Variants in KCNC4 observed in about 807,000 individuals in gnomAD.
KCNC4 encodes the protein potassium voltage-gated channel subfamily C member 4, also known as voltage-gated potassium channel KCNC4.
Under a neutral mutation model 42.8 loss-of-function variants are expected in KCNC4, and 23 were observed. The observed-to-expected ratio is 0.54, with a 90% CI of 0.39 to 0.76. The LOEUF (loss-of-function observed/expected upper bound fraction) is 0.76, where lower values mean the gene tolerates loss of function less well. Among genes scored for constraint, KCNC4 ranks in the 30% least tolerant of loss-of-function variants. KCNC4 has a pLI of 0.00. For synonymous variants in KCNC4, 422 were observed against 393.5 expected, an observed-to-expected ratio of 1.07 and a Z score of -0.86; for missense variants, 751 against 898.2, an observed-to-expected ratio of 0.84 and a Z score of 2.10.
At chr1:110,235,765 G>A (rs925820246), downstream of KCNC4, 1 of 152,244 alleles carries the variant, frequency 6.6e-6, no homozygotes, top group African/African-American at 2.4e-5. Flanking sequence ...GCCCAAGGTA[G>A]GGAGCTGGTT....
chr1:110,258,910 C>T (rs948914435), intron 1 of KCNC4, among the ~76,000 whole-genome samples: 7 of 152,182 alleles, frequency 4.6e-5, no homozygotes. Flanking sequence ...TCTGGGAGTA[C>T]CTCCCACACA....
chr1:110,223,352 G>C lies in KCNC4; in HGVS notation c.1067G>C (p.Arg356Pro). The change falls in exon 2 of 4, where the codon CGT (arginine) becomes CCT (proline). Residue 356 changes from arginine to proline, a missense_variant. Arg to Pro is a moderately radical substitution (Grantham distance 103). This residue lies in a region of KCNC4 where 185 missense variants were observed against 293.7 expected (regional missense o/e 0.63). Transcript: ENST00000438661. This position sits in a 1 kb window ranked among gnomAD's most constrained non-coding sequence, Gnocchi z 7.5. ...LRVVRFVRIL[R>P]IFKLTRHFVG... is the part of the protein sequence containing the mutation. ...GTGGTGCGCTTCGTGCGCATCCTGC[G>C]TATCTTCAAGCTCACACGCCACTTC... 6.2e-7 allele frequency: 1 copy of C among 1,613,832 alleles called. No homozygotes were observed. Among genetic ancestry groups the C allele is most frequent in the Non-Finnish European group, 8.5e-7 (1 of 1,179,898 alleles).
chr1:110,230,738 T>C (rs75120354), intron 3 of KCNC4, among the ~76,000 whole-genome samples: 315 of 152,276 alleles, frequency 2.1e-3, no homozygotes, highest in African/African-American at 7.2e-3. Context: ...CTGGGAGAGA[T>C]AGAACCCAGA....
chr1:110,230,565 G>T (rs1282392928), intron 3 of KCNC4, among the ~76,000 whole-genome samples: 1 of 152,194 alleles, frequency 6.6e-6, no homozygotes, highest in East Asian at 1.9e-4. Flanking sequence ...GGCACCCACC[G>T]CCTCCTTCCC....
rs1162257771 is a variant in KCNC4, at chr1:110,211,929, T to C, written c.430T>C (p.Cys144Arg). The C allele has an allele frequency of 6.2e-7, 1 of 1,611,564 alleles. No homozygotes were observed. Among genetic ancestry groups the C allele is most frequent in the Non-Finnish European group, 8.5e-7 (1 of 1,179,788 alleles). ...CGACGAGACCGACGTGGAACCCTGCTGCTGGATGACCTACCGGCAGCACCG... is the reference window on the plus strand; with the variant it reads ...CGACGAGACCGACGTGGAACCCTGCCGCTGGATGACCTACCGGCAGCACCG... Reference protein sequence around the residue: ...GIDETDVEPCCWMTYRQHRDA... With the variant: ...GIDETDVEPCRWMTYRQHRDA... The change falls in exon 1 of 4, where the codon TGC becomes CGC. Residue 144 changes from cysteine to arginine, a missense_variant. By Grantham distance (180) the Cys-to-Arg change is radical. Transcript: ENST00000438661. This position sits in a 1 kb window ranked among gnomAD's most constrained non-coding sequence, Gnocchi z 6.5.
At chr1:110,283,348 A>C (rs115089270), downstream of KCNC4, among the ~76,000 whole-genome samples, 1,442 of 152,280 alleles carry the variant, frequency 9.5e-3, 27 homozygotes, top group African/African-American at 0.033. Context: ...CCCACGGTAA[A>C]TGTAAAATGG....
In KCNC4 at chr1:110,211,334, C is replaced by T. The variant is rs544030029; in HGVS notation, c.-166C>T. Reference sequence around the variant, plus strand: ...CGGAGAAATCCAACTCCTCCCGCTCCGCGTCCTAGGGGGATAGGCAGGGGC... The same window carrying T: ...CGGAGAAATCCAACTCCTCCCGCTCTGCGTCCTAGGGGGATAGGCAGGGGC... On this transcript the variant is annotated 5_prime_UTR_variant, in exon 1 of 4. Transcript: ENST00000438661. This position sits in a 1 kb window ranked among gnomAD's most constrained non-coding sequence, Gnocchi z 6.5. 32 of 1,018,950 alleles carry T rather than the reference C, an allele frequency of 3.1e-5. No homozygotes were observed. In the African/African-American group the frequency reaches 5.1e-4, roughly 16 times the overall value. The allele number at this position is 1,018,950 out of a possible 1,614,324, so 63.1% of individuals were successfully genotyped here.
intron 1 of KCNC4, among the ~76,000 whole-genome samples, chr1:110,212,620 A>G (rs1657549690): frequency 6.6e-6 from 1 of 152,076 alleles, no homozygotes; most frequent in South Asian, 2.1e-4. Flanking sequence ...GTTTTGTTAG[A>G]TGCTTCCATG....
rs542077305 is a variant in KCNC4 at position 110,268,398 on chromosome 1, G to A, written n.31-14136G>A. 5.9e-5 allele frequency among the ~76,000 whole-genome samples: 9 copies of A among 152,224 alleles called. No homozygotes were observed. In the South Asian group the frequency reaches 1.9e-3, roughly 32 times the overall value. The stretch of plus-strand genomic sequence containing the variant: ...CGAGGCGGGCAGATCACGAGGTCAG[G>A]AGATCGAGACCATCCTGGCTAACAC... On this transcript the variant is annotated intron_variant and non_coding_transcript_variant, in intron 1 of 2. Coordinates refer to the KCNC4 transcript ENST00000412512.
chr1:110,231,257 T>C (rs1658674503), intron 3 of KCNC4, among the ~76,000 whole-genome samples: 1 of 152,150 alleles, frequency 6.6e-6, no homozygotes, highest in African/African-American at 2.4e-5. Context: ...GGCTGCCCTT[T>C]CACAGAGCTT....
chr1:110,283,928 T>A (rs1045270563), downstream of KCNC4, among the ~76,000 whole-genome samples: 18 of 152,218 alleles, frequency 1.2e-4, no homozygotes, highest in African/African-American at 4.3e-4. Context: ...TGCTGAGGCA[T>A]CACTAAATGG....
At chr1:110,272,008 C>T (rs1340023604) in intron 1 of KCNC4, among the ~76,000 whole-genome samples, 2 of 152,170 alleles carry the variant, frequency 1.3e-5, no homozygotes, top group Non-Finnish European at 1.5e-5. Flanking sequence ...ACAATTTTCC[C>T]TAAAGTTGTG....
In KCNC4 at chr1:110,211,544, G is replaced by T; in HGVS notation, c.45G>T (p.Ser15=). 9.3e-6 allele frequency: 15 copies of T among 1,614,068 alleles called. No individual in the cohort carries two copies. The highest frequency in any genetic ancestry group is 1.3e-5 in the Non-Finnish European group (15 of 1,179,988). The change falls in exon 1 of 4, where the codon TCG becomes TCT. Residue 15 remains serine (S), a synonymous_variant. Transcript: ENST00000438661. The surrounding 1 kb of genome is among the most constrained non-coding windows in gnomAD (Gnocchi z 6.5). ...VCVSSYRGRK[S]GNKPPSKTCL... is the part of the protein sequence containing the mutation. ...TCTCCTCCTACCGCGGGCGCAAGTC[G>T]GGGAACAAGCCTCCGTCCAAAACAT...
chr1:110,281,551 TAA>T (rs199654540), intron 1 of KCNC4, among the ~76,000 whole-genome samples: 246 of 126,110 alleles, frequency 2.0e-3, no homozygotes, highest in Middle Eastern at 8.0e-3. Context: ...CCCACATATG[TAA>T]AAACACACAC....
chr1:110,255,572 A>G (rs750375340), intron 1 of KCNC4, among the ~76,000 whole-genome samples: 3 of 152,224 alleles, frequency 2.0e-5, no homozygotes, highest in South Asian at 2.1e-4. Context: ...ACAGACACCC[A>G]GGCAAATCAG....
intron 1 of KCNC4, among the ~76,000 whole-genome samples, chr1:110,263,529 G>A (rs11102073): frequency 0.21 from 31,508 of 151,906 alleles, 3,571 homozygotes; most frequent in African/African-American, 0.31. Context: ...ATAGGAGCAC[G>A]TTTGGGCAAC....
intron 3 of KCNC4, among the ~76,000 whole-genome samples, chr1:110,231,336 G>A (rs2004044): frequency 0.011 from 1,652 of 152,190 alleles, 38 homozygotes; most frequent in African/African-American, 0.038. Flanking sequence ...CACCCCTGGT[G>A]GGTCAAATAG....
chr1:110,283,260 T>C (rs535539322), downstream of KCNC4, among the ~76,000 whole-genome samples: 167 of 152,226 alleles, frequency 1.1e-3, no homozygotes, highest in Non-Finnish European at 1.4e-3. Context: ...CGGGCCCCAC[T>C]TCCCAACACC....
Position 110,223,771 on chromosome 1 carries a change from G to A in KCNC4, c.1486G>A (p.Val496Met), listed in dbSNP as rs754766832. ...GCTGCCCAAGAAACGGAAGAAGCAC[G>A]TGCCACGGCCGGCGCAGCTGGAGTC... ...QKLPKKRKKH[V>M]PRPAQLESPM... The change falls in exon 2 of 4, where the codon GTG (valine) becomes ATG (methionine). Residue 496 changes from valine (V) to methionine (M), a missense_variant. Val to Met is a conservative substitution (Grantham distance 21). This residue lies in a region of KCNC4 where 202 missense variants were observed against 181.5 expected (regional missense o/e 1.11). Coordinates refer to ENST00000438661, the MANE Select transcript of KCNC4 (RefSeq NM_001039574.3). The surrounding 1 kb of genome is among the most constrained non-coding windows in gnomAD (Gnocchi z 7.5). The A allele has an allele frequency of 7.4e-6, 12 of 1,614,162 alleles. No individual in the cohort carries two copies. The highest frequency in any genetic ancestry group is 1.7e-5 in the Admixed American group (1 of 60,024).
Sources: allele counts gnomAD v4.1 joint callset (sites outside exome capture counted in the v4.1 genomes callset), GRCh38; gene constraint gnomAD v4.1.1; regional missense constraint gnomAD v4.1.1; non-coding constraint Gnocchi (gnomAD v3.1); transcripts MANE v1.5; gene names NCBI Gene and HGNC (gene_info 2026-07-23, HGNC 2026-07-21).